The following CDH12 variants were observed in gnomAD, a reference collection of about 807,000 sequenced individuals.
CDH12 encodes the protein cadherin-12.
CDH12 carries 41 observed loss-of-function variants against 74.1 expected under a neutral mutation model. That is an observed-to-expected ratio of 0.55 (90% confidence interval 0.43 to 0.72). CDH12 has a LOEUF of 0.72. CDH12 is among the 30% of genes least tolerant of loss of function. The pLI is 0.00. For missense variants in CDH12, 945 were observed against 977.2 expected, an observed-to-expected ratio of 0.97 and a Z score of 0.44; for synonymous variants, 399 against 355.0, an observed-to-expected ratio of 1.12 and a Z score of -1.39.
intron 4 of CDH12, among the ~76,000 whole-genome samples, chr5:22,130,919 T>C (rs1473759953): frequency 1.3e-5 from 2 of 151,710 alleles, no homozygotes; most frequent in Non-Finnish European, 2.9e-5. Context: ...CTAAATTTTG[T>C]ATAAGTGACA....
intron 5 of CDH12, among the ~76,000 whole-genome samples, chr5:22,012,504 C>G (rs1405599463): frequency 1.3e-5 from 2 of 152,040 alleles, no homozygotes; most frequent in Non-Finnish European, 2.9e-5. Flanking sequence ...ATTTGTCTTT[C>G]AGTTGACAGT....
At chr5:22,336,336 G>A (rs943580447) in intron 3 of CDH12, among the ~76,000 whole-genome samples, 1 of 152,170 alleles carries the variant, frequency 6.6e-6, no homozygotes, top group African/African-American at 2.4e-5. Context: ...AATTCAAGAG[G>A]GCTGAAGAAA....
chr5:22,107,771 AC>A (rs1744566161), intron 4 of CDH12, among the ~76,000 whole-genome samples: 1 of 152,094 alleles, frequency 6.6e-6, no homozygotes, highest in South Asian at 2.1e-4. Context: ...ACTATAATCT[AC>A]TTTTCCTATG....
At chr5:22,204,351 G>A (rs1347879634) in intron 4 of CDH12, among the ~76,000 whole-genome samples, 1 of 151,810 alleles carries the variant, frequency 6.6e-6, no homozygotes, top group African/African-American at 2.4e-5. Context: ...TAGTAGAGAC[G>A]GGGGTTTCAC....
At chr5:21,801,782 T>C (rs113071048) in intron 10 of CDH12, among the ~76,000 whole-genome samples, 1 of 152,210 alleles carries the variant, frequency 6.6e-6, no homozygotes, top group African/African-American at 2.4e-5. Flanking sequence ...AGAGTAATTA[T>C]AAAATGTATT....
intron 2 of CDH12, among the ~76,000 whole-genome samples, chr5:22,494,874 T>G (rs427666): frequency 0.94 from 143,010 of 152,214 alleles, 67,274 homozygotes; most frequent in Admixed American, 0.97. Context: ...CAATTTAAGG[T>G]GTAGTGATAC....
chr5:22,035,713 T>TACACAC lies in CDH12; in HGVS notation c.231+42727_231+42732dup, dbSNP rs149918147. Among the ~76,000 whole-genome samples the TACACAC allele has an allele frequency of 9.2e-3, 1,316 of 143,328 alleles. 15 individuals are homozygous for TACACAC. The highest frequency in any genetic ancestry group is 0.026 in the African/African-American group (1,031 of 39,402). 94.0% of individuals were successfully genotyped at this position (143,328 alleles called of 152,430 possible). A position where few individuals can be genotyped will look rare whatever the true frequency, so the allele number is the denominator to read the frequency against. On this transcript the variant is annotated intron_variant, in intron 5 of 14. Coordinates refer to ENST00000382254, the MANE Select transcript of CDH12 (RefSeq NM_004061.5). ...TTCTTCTTTTTTTACACTTCACACA[T>TACACAC]ACACACACACACACACACACACACA...
At chr5:22,343,283 T>TACAC (rs70959717) in intron 3 of CDH12, among the ~76,000 whole-genome samples, 1,134 of 92,604 alleles carry the variant, frequency 0.012, 53 homozygotes, top group African/African-American at 0.037. Flanking sequence ...ACATAAACCC[T>TACAC]ACACACACAC....
At chr5:22,633,872 C>T (rs1427653726) in intron 1 of CDH12, among the ~76,000 whole-genome samples, 1 of 152,176 alleles carries the variant, frequency 6.6e-6, no homozygotes, top group African/African-American at 2.4e-5. Flanking sequence ...AGAAGATACA[C>T]ATCTCCTATT....
intron 3 of CDH12, among the ~76,000 whole-genome samples, chr5:22,281,600 T>C (rs1454456947): frequency 6.6e-6 from 1 of 152,066 alleles, no homozygotes; most frequent in Non-Finnish European, 1.5e-5. Flanking sequence ...AAGAGCCAAA[T>C]CATGAGTGAA....
intron 1 of CDH12, among the ~76,000 whole-genome samples, chr5:22,678,504 A>G (rs1376997616): frequency 6.6e-6 from 1 of 152,162 alleles, no homozygotes; most frequent in Non-Finnish European, 1.5e-5. Flanking sequence ...ATATAATGAG[A>G]GCATTGCTTC....
intron 3 of CDH12, among the ~76,000 whole-genome samples, chr5:22,260,107 T>C (rs921170123): frequency 1.3e-5 from 2 of 152,088 alleles, no homozygotes; most frequent in African/African-American, 4.8e-5. Context: ...TTGGATCATA[T>C]AGGTCTTACT....
At chr5:22,770,302 A>G (rs1279384211) in intron 1 of CDH12, among the ~76,000 whole-genome samples, 1 of 152,190 alleles carries the variant, frequency 6.6e-6, no homozygotes, top group Non-Finnish European at 1.5e-5. Flanking sequence ...GGATTGGCAT[A>G]CAGGGGAAGA....
chr5:22,151,925 A>T (rs1747608731), intron 4 of CDH12: 1 of 152,114 alleles, frequency 6.6e-6, no homozygotes, highest in Admixed American at 6.6e-5. Context: ...GAGAATGTAA[A>T]GAGACCACCT....
At chr5:22,094,355 G>A (rs967920039) in intron 4 of CDH12, among the ~76,000 whole-genome samples, 31 of 152,096 alleles carry the variant, frequency 2.0e-4, no homozygotes, top group African/African-American at 5.6e-4. Context: ...TGCTCTTTAC[G>A]GAGAACCACA....
intron 5 of CDH12, among the ~76,000 whole-genome samples, chr5:22,012,045 G>C (rs959444201): frequency 6.6e-6 from 1 of 151,852 alleles, no homozygotes; most frequent in Non-Finnish European, 1.5e-5. Context: ...AATATTAATT[G>C]CATCCAAAAT....
chr5:21,857,706 C>T (rs1750825028), intron 6 of CDH12, among the ~76,000 whole-genome samples: 1 of 151,802 alleles, frequency 6.6e-6, no homozygotes, highest in Non-Finnish European at 1.5e-5. Context: ...TAAGTGATCA[C>T]TAACATTTAA....
chr5:21,795,964 T>C (rs927675780), intron 10 of CDH12, among the ~76,000 whole-genome samples: 4 of 152,078 alleles, frequency 2.6e-5, no homozygotes, highest in Admixed American at 1.3e-4. Context: ...TAAGATCATT[T>C]TTGTGGAAAC....
At chr5:22,212,071 A>G (rs1751576622) in intron 4 of CDH12, 1 of 150,780 alleles carries the variant, frequency 6.6e-6, no homozygotes, top group Non-Finnish European at 1.5e-5. Flanking sequence ...GAATATTGCT[A>G]ATGTAGAAAG....
Sources: allele counts gnomAD v4.1 joint callset (sites outside exome capture counted in the v4.1 genomes callset), GRCh38; gene constraint gnomAD v4.1.1; transcripts MANE v1.5; gene names NCBI Gene and HGNC (gene_info 2026-07-23, HGNC 2026-07-21).